The following ABLIM1 variants were observed in gnomAD, a reference collection of about 807,000 sequenced individuals.
ABLIM1 encodes the protein actin binding LIM protein 1, also known as actin-binding LIM protein 1.
Under a neutral mutation model 107.0 loss-of-function variants are expected in ABLIM1, and 40 were observed. That is an observed-to-expected ratio of 0.37 (90% confidence interval 0.29 to 0.49). The LOEUF (loss-of-function observed/expected upper bound fraction) is 0.49, where lower values mean the gene tolerates loss of function less well. ABLIM1 is among the 20% of genes least tolerant of loss of function. The probability of loss-of-function intolerance (pLI) is 0.97; values close to 1 mark genes in which losing one functional copy is unlikely to be tolerated. For synonymous variants in ABLIM1, 357 were observed against 357.3 expected, an observed-to-expected ratio of 1.00 and a Z score of 0.01; for missense variants, 857 against 1,008.5, an observed-to-expected ratio of 0.85 and a Z score of 2.04.
the ABLIM1 span, among the ~76,000 whole-genome samples, chr10:114,797,001 A>T: frequency 6.6e-6 from 1 of 152,202 alleles, no homozygotes; most frequent in African/African-American, 2.4e-5. Flanking sequence ...TTCAATACCC[A>T]TCCTCCACAT....
chr10:114,632,648 A>C, intron 1 of ABLIM1: 1 of 985,372 alleles, frequency 1.0e-6, no homozygotes, highest in Non-Finnish European at 1.2e-6. Context: ...GGGGAAGAGG[A>C]TCTTTCAGGA....
At chr10:114,638,847 T>C (rs1037038920) in intron 1 of ABLIM1, among the ~76,000 whole-genome samples, 1 of 151,900 alleles carries the variant, frequency 6.6e-6, no homozygotes, top group African/African-American at 2.4e-5. Flanking sequence ...GTGAATAGCA[T>C]CATAACCTTG....
chr10:114,598,854 T>C (rs2075715216), intron 2 of ABLIM1, among the ~76,000 whole-genome samples: 1 of 152,160 alleles, frequency 6.6e-6, no homozygotes, highest in South Asian at 2.1e-4. Context: ...TTTAATTTAT[T>C]TTTTAAGTTT....
At chr10:114,582,219 G>A (rs773607704) in intron 2 of ABLIM1, among the ~76,000 whole-genome samples, 3 of 151,906 alleles carry the variant, frequency 2.0e-5, no homozygotes, top group African/African-American at 4.8e-5. Context: ...TACACACCAA[G>A]AAAGTTCAAG....
At chr10:114,769,385 ACAAG>A (rs2082979719), upstream of ABLIM1, among the ~76,000 whole-genome samples, 1 of 145,476 alleles carries the variant, frequency 6.9e-6, no homozygotes, top group African/African-American at 2.6e-5. Flanking sequence ...AAAGAGACAG[ACAAG>A]AAAGAAAGAA....
intron 6 of ABLIM1, chr10:114,526,745 G>C (rs904603262): frequency 1.0e-6 from 1 of 985,512 alleles, no homozygotes; most frequent in South Asian, 4.7e-5. Context: ...TCAGAACACG[G>C]CCAAGAGGCT....
At chr10:114,562,312 A>G (rs1286889355) in intron 4 of ABLIM1, among the ~76,000 whole-genome samples, 1 of 152,068 alleles carries the variant, frequency 6.6e-6, no homozygotes, top group Non-Finnish European at 1.5e-5. Context: ...GGTGGATCAC[A>G]AGGTCAGGAG....
At chr10:114,456,096 G>A (rs892515204) in intron 12 of ABLIM1, among the ~76,000 whole-genome samples, 4 of 151,778 alleles carry the variant, frequency 2.6e-5, no homozygotes, top group African/African-American at 7.3e-5. Flanking sequence ...TTACAGGCGT[G>A]AGCCACCGCA....
At chr10:114,767,606 G>A (rs1302991770) in intron 1 of ABLIM1, among the ~76,000 whole-genome samples, 5 of 138,206 alleles carry the variant, frequency 3.6e-5, no homozygotes, top group African/African-American at 1.3e-4. Context: ...GTACAGGTGG[G>A]GAATTTACTT....
chr10:114,785,484 T>TC, the ABLIM1 span, among the ~76,000 whole-genome samples: 2 of 151,930 alleles, frequency 1.3e-5, no homozygotes, highest in Non-Finnish European at 2.9e-5. Flanking sequence ...GATGTTTTTT[T>TC]CCTTTGGCTT....
chr10:114,605,085 C>A (rs1209401891), intron 1 of ABLIM1, among the ~76,000 whole-genome samples: 2 of 152,182 alleles, frequency 1.3e-5, no homozygotes, highest in African/African-American at 4.8e-5. Context: ...TTCCTTCACA[C>A]AACAGCCTAG....
chr10:114,699,763 C>A (rs1477104950), intron 1 of ABLIM1, among the ~76,000 whole-genome samples: 1 of 152,026 alleles, frequency 6.6e-6, no homozygotes, highest in African/African-American at 2.4e-5. Context: ...TATAGTATTA[C>A]CATCCAGAAG....
chr10:114,644,149 C>T (rs545164407), intron 1 of ABLIM1, among the ~76,000 whole-genome samples: 11 of 149,082 alleles, frequency 7.4e-5, no homozygotes, highest in South Asian at 2.2e-4. Flanking sequence ...GGCATGGTGG[C>T]GGGCACCTGT....
intron 4 of ABLIM1, among the ~76,000 whole-genome samples, chr10:114,559,408 G>C (rs2069282460): frequency 8.8e-6 from 1 of 114,204 alleles, no homozygotes; most frequent in Non-Finnish European, 1.8e-5. Flanking sequence ...TTTGAGACCA[G>C]CTTGGACAAC....
chr10:114,575,401 G>C lies in ABLIM1; in HGVS notation c.563+15C>G. 1 of 1,611,848 alleles carries C rather than the reference G, an allele frequency of 6.2e-7. No homozygotes were observed. Among genetic ancestry groups the C allele is most frequent in the Non-Finnish European group, 8.5e-7 (1 of 1,178,762 alleles). On this transcript the variant is annotated intron_variant, in intron 3 of 22. Transcript: ENST00000533213. The stretch of plus-strand genomic sequence containing the variant: ...TGGAGGAAGGTGTAGGCTTTGGAAA[G>C]ATAGGCTCACTTACTTGCAGATAGT...
rs565915273 is a variant in ABLIM1 at position 114,615,361 on chromosome 10, G to A, written c.245-13400C>T. Among the ~76,000 whole-genome samples the A allele has an allele frequency of 6.6e-5, 10 of 152,122 alleles. No individual in the cohort carries two copies. In the East Asian group the frequency reaches 1.2e-3, roughly 18 times the overall value. The stretch of plus-strand genomic sequence containing the variant: ...AGAAGGCTCTTCCCCAGCTGTTTGC[G>A]AGCCCAGCTCCCTCTCCTCCTTCTG... On this transcript the variant is annotated intron_variant, in intron 1 of 22. Coordinates refer to ENST00000533213, the MANE Select transcript of ABLIM1 (RefSeq NM_002313.7).
intron 1 of ABLIM1, among the ~76,000 whole-genome samples, chr10:114,720,615 T>C (rs571825660): frequency 1.5e-4 from 23 of 152,242 alleles, no homozygotes; most frequent in Non-Finnish European, 2.5e-4. Context: ...AGAGAGATCT[T>C]TGGGAAGGAA....
At chr10:114,437,380 G>C (rs927421875) in intron 22 of ABLIM1, among the ~76,000 whole-genome samples, 1 of 147,924 alleles carries the variant, frequency 6.8e-6, no homozygotes, top group Admixed American at 6.8e-5. Context: ...GTACAGTGGT[G>C]TGATCTTGGC....
chr10:114,498,756 C>T (rs2079650314), intron 6 of ABLIM1, among the ~76,000 whole-genome samples: 1 of 152,202 alleles, frequency 6.6e-6, no homozygotes, highest in Non-Finnish European at 1.5e-5. Context: ...CAAGCTCAGG[C>T]AAACATGTTT....
Sources: allele counts gnomAD v4.1 joint callset (sites outside exome capture counted in the v4.1 genomes callset), GRCh38; gene constraint gnomAD v4.1.1; transcripts MANE v1.5; gene names NCBI Gene and HGNC (gene_info 2026-07-23, HGNC 2026-07-21).